Variants in ZNF804A observed in about 807,000 individuals in gnomAD.
ZNF804A encodes the protein zinc finger protein 804A.
ZNF804A carries 2 observed loss-of-function variants against 16.5 expected under a neutral mutation model. That is an observed-to-expected ratio of 0.12 (90% confidence interval 0.05 to 0.38). The LOEUF (loss-of-function observed/expected upper bound fraction) is 0.38, where lower values mean the gene tolerates loss of function less well. Among genes scored for constraint, ZNF804A ranks in the 10% least tolerant of loss-of-function variants. The probability of loss-of-function intolerance (pLI) is 0.99; values close to 1 mark genes in which losing one functional copy is unlikely to be tolerated. For synonymous variants in ZNF804A, 534 were observed against 489.6 expected, an observed-to-expected ratio of 1.09 and a Z score of -1.20; for missense variants, 1,473 against 1,390.7, an observed-to-expected ratio of 1.06 and a Z score of -0.94.
intron 1 of ZNF804A, among the ~76,000 whole-genome samples, chr2:184,673,612 T>C (rs1322553805): frequency 1.3e-5 from 2 of 152,220 alleles, no homozygotes; most frequent in African/African-American, 4.8e-5. Context: ...ATAGAACTTG[T>C]TTTGCCACAG....
chr2:184,684,604 G>T (rs1574161616), intron 1 of ZNF804A, among the ~76,000 whole-genome samples: 1 of 152,150 alleles, frequency 6.6e-6, no homozygotes, highest in South Asian at 2.1e-4. Flanking sequence ...ATACTGGGGG[G>T]TACATGTGCA....
At chr2:184,929,161 A>C (rs1685655909) in intron 2 of ZNF804A, among the ~76,000 whole-genome samples, 1 of 152,152 alleles carries the variant, frequency 6.6e-6, no homozygotes, top group Admixed American at 6.5e-5. Flanking sequence ...AGTTATCTAA[A>C]TCTGGAGCTG....
At chr2:184,678,068 A>T (rs1200899444) in intron 1 of ZNF804A, among the ~76,000 whole-genome samples, 1 of 152,080 alleles carries the variant, frequency 6.6e-6, no homozygotes, top group African/African-American at 2.4e-5. Flanking sequence ...AGTAATAATT[A>T]ATTAGTTAGT....
intron 2 of ZNF804A, among the ~76,000 whole-genome samples, chr2:184,885,907 T>G (rs1348826539): frequency 6.6e-6 from 1 of 152,082 alleles, no homozygotes; most frequent in Admixed American, 6.5e-5. Flanking sequence ...CACAGCCAAA[T>G]CATATCATTC....
At chr2:184,878,282 G>A (rs1015662317) in intron 2 of ZNF804A, among the ~76,000 whole-genome samples, 1 of 152,034 alleles carries the variant, frequency 6.6e-6, no homozygotes, top group Non-Finnish European at 1.5e-5. Context: ...GTAGGACTGA[G>A]GGCACAACTA....
At chr2:184,780,695 T>A (rs541526856) in intron 1 of ZNF804A, among the ~76,000 whole-genome samples, 2 of 151,910 alleles carry the variant, frequency 1.3e-5, no homozygotes, top group East Asian at 3.9e-4. Context: ...AGCTTTTTTA[T>A]CTTGGAGAAA....
At chr2:184,600,570 G>T (rs1009390747) in intron 1 of ZNF804A, among the ~76,000 whole-genome samples, 1 of 152,154 alleles carries the variant, frequency 6.6e-6, no homozygotes, top group African/African-American at 2.4e-5. Flanking sequence ...AAAACTTTCA[G>T]TCTGAAGAAA....
chr2:184,898,737 A>G (rs1685129596), intron 2 of ZNF804A, among the ~76,000 whole-genome samples: 1 of 151,998 alleles, frequency 6.6e-6, no homozygotes, highest in Non-Finnish European at 1.5e-5. Flanking sequence ...AGGATAATAT[A>G]TTAATTGTAT....
chr2:184,732,252 AT>A (rs35367367), intron 1 of ZNF804A, among the ~76,000 whole-genome samples: 6 of 149,160 alleles, frequency 4.0e-5, no homozygotes, highest in African/African-American at 1.2e-4. Flanking sequence ...GTTTAAACTC[AT>A]TTTTTTTTTG....
intron 1 of ZNF804A, among the ~76,000 whole-genome samples, chr2:184,617,151 T>G (rs2105676754): frequency 1.3e-5 from 2 of 152,212 alleles, no homozygotes; most frequent in South Asian, 4.2e-4. Flanking sequence ...GGACATAATT[T>G]TAAAATTTAA....
intron 1 of ZNF804A, among the ~76,000 whole-genome samples, chr2:184,680,854 C>T (rs1692528291): frequency 6.6e-6 from 1 of 152,222 alleles, no homozygotes; most frequent in African/African-American, 2.4e-5. Context: ...AGGAGCTCCC[C>T]CAAGCCAGGG....
At chr2:184,823,077 A>C (rs930686792) in intron 1 of ZNF804A, among the ~76,000 whole-genome samples, 5 of 152,136 alleles carry the variant, frequency 3.3e-5, no homozygotes, top group African/African-American at 1.2e-4. Context: ...TATTTCACAC[A>C]GTATTGGAGG....
chr2:184,884,097 A>G (rs1684851948), intron 2 of ZNF804A, among the ~76,000 whole-genome samples: 1 of 152,118 alleles, frequency 6.6e-6, no homozygotes, highest in African/African-American at 2.4e-5. Context: ...CTGATAAACA[A>G]CTTCAGCAGT....
At chr2:184,641,604 A>G (rs148742863) in intron 1 of ZNF804A, among the ~76,000 whole-genome samples, 234 of 152,364 alleles carry the variant, frequency 1.5e-3, no homozygotes, top group Non-Finnish European at 2.8e-3. Flanking sequence ...CTGTTTCATT[A>G]TAGTCCAGAA....
At chr2:184,815,233 C>T (rs900477687) in intron 1 of ZNF804A, among the ~76,000 whole-genome samples, 8 of 151,590 alleles carry the variant, frequency 5.3e-5, no homozygotes, top group South Asian at 4.2e-4. Flanking sequence ...TTTTCAGTAC[C>T]GATAGATGCT....
intron 1 of ZNF804A, among the ~76,000 whole-genome samples, chr2:184,842,021 AGTGCTTTTTTGTAGCATCAAT>A (rs1649729179): frequency 6.6e-6 from 1 of 152,188 alleles, no homozygotes; most frequent in Non-Finnish European, 1.5e-5. Flanking sequence ...ATTTGAATGT[AGTGCTTTTTTGTAGCATCAAT>A]AAATATTAAT....
intron 1 of ZNF804A, among the ~76,000 whole-genome samples, chr2:184,658,077 C>T (rs1038610535): frequency 2.6e-4 from 39 of 152,166 alleles, no homozygotes; most frequent in African/African-American, 8.9e-4. Context: ...AATTGTTTCT[C>T]ATTTGGTGTG....
intron 1 of ZNF804A, among the ~76,000 whole-genome samples, chr2:184,782,371 A>G (rs1174893585): frequency 6.6e-6 from 1 of 151,462 alleles, no homozygotes; most frequent in Non-Finnish European, 1.5e-5. Context: ...AGGCAGACCC[A>G]CCCTTAATCT....
intron 2 of ZNF804A, among the ~76,000 whole-genome samples, chr2:184,907,122 C>A (rs1164538555): frequency 6.6e-6 from 1 of 152,152 alleles, no homozygotes; most frequent in African/African-American, 2.4e-5. Flanking sequence ...GTCATATATA[C>A]CCTGAGGAGA....
Sources: allele counts gnomAD v4.1 joint callset (sites outside exome capture counted in the v4.1 genomes callset), GRCh38; gene constraint gnomAD v4.1.1; transcripts MANE v1.5; gene names NCBI Gene and HGNC (gene_info 2026-07-23, HGNC 2026-07-21).